Variants in LRRC2 observed in about 807,000 individuals in gnomAD.
LRRC2 encodes the protein leucine rich repeat containing 2, also known as leucine-rich repeat-containing protein 2.
A neutral mutation model predicts 40.2 loss-of-function variants in LRRC2; 27 were observed. The ratio of observed to expected loss-of-function variants is 0.67; its 90% confidence interval spans 0.49 to 0.93. The LOEUF (loss-of-function observed/expected upper bound fraction) is 0.93, where lower values mean the gene tolerates loss of function less well. LRRC2 is among the 40% of genes least tolerant of loss of function. LRRC2 has a pLI of 0.00. For synonymous variants in LRRC2, 147 were observed against 158.9 expected (o/e 0.92, Z 0.56); for missense variants, 402 against 439.6 (o/e 0.91, Z 0.76).
intron 1 of LRRC2, among the ~76,000 whole-genome samples, chr3:46,554,594 A>T (rs903147762): frequency 8.0e-5 from 12 of 150,912 alleles, no homozygotes; most frequent in Middle Eastern, 3.4e-3. Flanking sequence ...GTGAGCCGAG[A>T]TCGTACCAGC....
chr3:46,523,173 A>C (rs1703996321), intron 7 of LRRC2, among the ~76,000 whole-genome samples: 1 of 152,188 alleles, frequency 6.6e-6, no homozygotes, highest in African/African-American at 2.4e-5. Context: ...CATTGAGTTA[A>C]TGTTTATCAT....
chr3:46,529,911 A>G lies in LRRC2; in HGVS notation c.767T>C (p.Ile256Thr). The G allele has an allele frequency of 1.2e-6, 2 of 1,614,108 alleles. No homozygotes were observed. The highest frequency in any genetic ancestry group is 2.2e-5 in the South Asian group (2 of 91,082). ...SNNLTDLPQD[I>T]DRLEELQSFL... ...TTAGAATGCAAGTAGCTACCTGTCTATATCTTGCGGCAGGTCGGTCAGGTT... is the reference window on the plus strand; with the variant it reads ...TTAGAATGCAAGTAGCTACCTGTCTGTATCTTGCGGCAGGTCGGTCAGGTT... The change falls in exon 6 of 9, where the codon ATA becomes ACA. Residue 256 changes from isoleucine to threonine, a missense_variant. Transcript: ENST00000395905.
chr3:46,538,934 T>C, intron 4 of LRRC2, 111 bp downstream of exon 4: 1 of 1,240,436 alleles, frequency 8.1e-7, no homozygotes, highest in Non-Finnish European at 1.1e-6. Context: ...CCCAACCACT[T>C]CCTGGGGAAG....
chr3:46,536,057 CAT>C (rs1258919205), intron 4 of LRRC2, among the ~76,000 whole-genome samples: 10 of 152,146 alleles, frequency 6.6e-5, no homozygotes, highest in Non-Finnish European at 1.3e-4. Flanking sequence ...TCGGGGGAAA[CAT>C]GTGAGGCACA....
intron 4 of LRRC2, 94 bp downstream of exon 4, chr3:46,538,951 A>G: frequency 1.5e-6 from 2 of 1,334,116 alleles, no homozygotes; most frequent in Non-Finnish European, 2.1e-6. Context: ...GAAGCTGGAG[A>G]GGAAACACGG....
rs1164738900 is a variant in LRRC2 at position 46,517,358 on chromosome 3, T to A, written c.*1656A>T. 1.3e-5 allele frequency: 2 copies of A among 151,374 alleles called. No homozygotes were observed. Among genetic ancestry groups the A allele is most frequent in the Admixed American group, 1.3e-4 (2 of 15,166 alleles). The allele number at this position is 151,374 out of a possible 1,614,324, so 9.4% of individuals were successfully genotyped here. The stretch of plus-strand genomic sequence containing the variant: ...TTTTGCTTTTGAGACAGGGTCTCAC[T>A]CTGTCACCCAGGCTGGAGGGCAGTG... On this transcript the variant is annotated 3_prime_UTR_variant, in exon 9 of 9. Coordinates refer to ENST00000395905, the MANE Select transcript of LRRC2 (RefSeq NM_024512.5).
chr3:46,536,744 G>A (rs1320464999), intron 4 of LRRC2, among the ~76,000 whole-genome samples: 2 of 152,204 alleles, frequency 1.3e-5, no homozygotes, highest in Non-Finnish European at 2.9e-5. Flanking sequence ...GGTGTAGCCA[G>A]GGTGAAAACC....
chr3:46,565,116 T>C (rs1705030064), intron 1 of LRRC2, among the ~76,000 whole-genome samples: 1 of 152,358 alleles, frequency 6.6e-6, no homozygotes, highest in African/African-American at 2.4e-5. Context: ...GATCAGAGTT[T>C]CCCTGGGGAC....
intron 2 of LRRC2, among the ~76,000 whole-genome samples, chr3:46,545,831 G>A (rs972411375): frequency 3.9e-5 from 6 of 152,232 alleles, no homozygotes; most frequent in Admixed American, 2.6e-4. Context: ...TAAGCTCCAT[G>A]ATGACAGCTA....
chr3:46,565,251 C>T (rs901504909), intron 1 of LRRC2, among the ~76,000 whole-genome samples: 1 of 152,320 alleles, frequency 6.6e-6, no homozygotes, highest in Admixed American at 6.5e-5. Flanking sequence ...TGCCTACCCA[C>T]TCTCTGGCCA....
chr3:46,559,374 CTG>C (rs1559422015), intron 1 of LRRC2: 4 of 152,190 alleles, frequency 2.6e-5, no homozygotes, highest in African/African-American at 9.7e-5. Flanking sequence ...GTAAAGTTAA[CTG>C]TATTTGAGCA....
intron 8 of LRRC2, 136 bp from the exon 9 acceptor site, chr3:46,519,199 T>A: frequency 1.5e-6 from 1 of 668,852 alleles, no homozygotes. Flanking sequence ...ATAGAGATAC[T>A]GTATAGGTGA....
rs755306232 is a variant in LRRC2 at position 46,521,695 on chromosome 3, C to G, written c.930-37G>C. 4 of 1,571,682 alleles carry G rather than the reference C, an allele frequency of 2.5e-6. No individual in the cohort carries two copies. The South Asian group carries it at 4.7e-5, about 19-fold the overall frequency. ...AGCATGGGAAGTATCACATTATCAC[C>G]TGTGCGTTTTAAACTGCAAAATTCC... On this transcript the variant is annotated intron_variant, in intron 7 of 8. Transcript: ENST00000395905.
At chr3:46,537,040 G>A (rs1355911136) in intron 4 of LRRC2, among the ~76,000 whole-genome samples, 1 of 152,106 alleles carries the variant, frequency 6.6e-6, no homozygotes, top group African/African-American at 2.4e-5. Context: ...AGCCAAGGTG[G>A]CAGGATGGCA....
intron 5 of LRRC2, 91 bp downstream of exon 5, chr3:46,532,662 GATATAATAAAGATAGATTTC>G: frequency 8.6e-7 from 1 of 1,166,076 alleles, no homozygotes; most frequent in Non-Finnish European, 1.2e-6. Context: ...AGGAAAAGGT[GATATAATAAAGATAGATTTC>G]ATATGTTAAA....
At chr3:46,541,206 G>A (rs918768467) in intron 3 of LRRC2, among the ~76,000 whole-genome samples, 59 of 152,004 alleles carry the variant, frequency 3.9e-4, no homozygotes, top group African/African-American at 1.2e-3. Context: ...GGTGGCGGGC[G>A]CCTGCAGTCC....
At chr3:46,530,445 T>G (rs1490006265) in intron 5 of LRRC2, among the ~76,000 whole-genome samples, 1 of 152,140 alleles carries the variant, frequency 6.6e-6, no homozygotes, top group Non-Finnish European at 1.5e-5. Context: ...CCAGATGTGC[T>G]GGTGCACACC....
At chr3:46,520,524 T>A in intron 8 of LRRC2, among the ~76,000 whole-genome samples, 1 of 152,308 alleles carries the variant, frequency 6.6e-6, no homozygotes, top group East Asian at 1.9e-4. Flanking sequence ...CATATAGAAA[T>A]TTTAGTTTAG....
rs562045985 is a variant in LRRC2, at chr3:46,559,900, C to T, written c.-20+6277G>A. On this transcript the variant is annotated intron_variant, in intron 1 of 8. Coordinates refer to ENST00000395905, the MANE Select transcript of LRRC2 (RefSeq NM_024512.5). The stretch of plus-strand genomic sequence containing the variant: ...AAGTTCTCTTATACAATTAAGGGGG[C>T]GTTGAATGTGCCAGGATGTAAATCA... 3.9e-5 allele frequency among the ~76,000 whole-genome samples: 6 copies of T among 152,224 alleles called. No homozygotes were observed. In the South Asian group the frequency reaches 1.2e-3, roughly 32 times the overall value.
Sources: allele counts gnomAD v4.1 joint callset (sites outside exome capture counted in the v4.1 genomes callset), GRCh38; gene constraint gnomAD v4.1.1; transcripts MANE v1.5; gene names NCBI Gene and HGNC (gene_info 2026-07-23, HGNC 2026-07-21).